DNAJC5: variants seen among roughly 807,000 people sequenced by gnomAD.
DNAJC5 encodes dnaJ homolog subfamily C member 5.
DNAJC5 carries 1 observed loss-of-function variant against 23.2 expected under a neutral mutation model. That is an observed-to-expected ratio of 0.04 (90% CI 0.02 to 0.20). DNAJC5 has a LOEUF of 0.20. DNAJC5 is among the 10% of genes least tolerant of loss of function. The pLI is 1.00. For synonymous variants in DNAJC5, 136 were observed against 120.0 expected (o/e 1.13, Z -0.87); for missense variants, 180 against 267.0 (o/e 0.67, Z 2.27).
At chr20:63,916,199 C>T (rs973732834) in intron 1 of DNAJC5, among the ~76,000 whole-genome samples, 3 of 152,350 alleles carry the variant, frequency 2.0e-5, no homozygotes, top group East Asian at 1.9e-4. Flanking sequence ...CTGCATTCCT[C>T]AGCCTCCAAA....
intron 1 of DNAJC5, among the ~76,000 whole-genome samples, chr20:63,921,217 C>T (rs1360520028): frequency 6.6e-6 from 1 of 152,186 alleles, no homozygotes; most frequent in Non-Finnish European, 1.5e-5. Flanking sequence ...CCTCAGCCTC[C>T]CAAAGTTTTG....
intron 1 of DNAJC5, among the ~76,000 whole-genome samples, chr20:63,898,226 A>G (rs947532065): frequency 1.3e-5 from 2 of 152,148 alleles, no homozygotes; most frequent in Non-Finnish European, 2.9e-5. Flanking sequence ...GCCTGGGGTT[A>G]GCAGTTGGTG....
At chr20:63,901,094 A>C (rs1461950996) in intron 1 of DNAJC5, among the ~76,000 whole-genome samples, 1 of 152,172 alleles carries the variant, frequency 6.6e-6, no homozygotes, top group Non-Finnish European at 1.5e-5. Flanking sequence ...CCTCTTGAGT[A>C]ACTGGAATTA....
chr20:63,910,103 G>A (rs1290821856), intron 1 of DNAJC5, among the ~76,000 whole-genome samples: 4 of 152,190 alleles, frequency 2.6e-5, no homozygotes, highest in Admixed American at 1.3e-4. Context: ...CTTCAGACTC[G>A]TTCTGTTCCT....
At chr20:63,927,521 CAA>C (rs1399324525) in intron 1 of DNAJC5, among the ~76,000 whole-genome samples, 1 of 150,918 alleles carries the variant, frequency 6.6e-6, no homozygotes, top group Non-Finnish European at 1.5e-5. Flanking sequence ...GCCTGGGCAA[CAA>C]GAGCAAAACT....
In DNAJC5 at chr20:63,931,072, T is replaced by G. The variant is rs1187932284; in HGVS notation, c.493+50T>G. The G allele has an allele frequency of 3.1e-6, 5 of 1,588,188 alleles. No individual in the cohort carries two copies. The highest frequency in any genetic ancestry group is 3.4e-6 in the Non-Finnish European group (4 of 1,160,352). ...GTGTGTGTGTGGGGCAGAGCCAGAATGGGCCCTGAATGGTGTCAACCTGTC... is the reference window on the plus strand; with the variant it reads ...GTGTGTGTGTGGGGCAGAGCCAGAAGGGGCCCTGAATGGTGTCAACCTGTC... On this transcript the variant is annotated intron_variant, in intron 4 of 4. Transcript: ENST00000360864. This position sits in a 1 kb window ranked among gnomAD's most constrained non-coding sequence, Gnocchi z 9.6.
chr20:63,895,192 TCTGCCGCCGCCG>T lies in DNAJC5; in HGVS notation c.-141_-130del. The T allele has an allele frequency of 6.6e-6, 1 of 152,076 alleles. No homozygotes were observed. The highest frequency in any genetic ancestry group is 1.4e-5 in the Non-Finnish European group (1 of 69,334). 9.4% of individuals were successfully genotyped at this position (152,076 alleles called of 1,614,324 possible). ...CGCTGCCGGTGCCGCACCCGCGCCCTCTGCCGCCGCCGCCGCCGCCGCCCGGGGTCTCCAGGC... is the reference window on the plus strand; with the variant it reads ...CGCTGCCGGTGCCGCACCCGCGCCCTCCGCCGCCGCCCGGGGTCTCCAGGC... On this transcript the variant is annotated 5_prime_UTR_variant, in exon 1 of 5. Coordinates refer to ENST00000360864, the MANE Select transcript of DNAJC5 (RefSeq NM_025219.3).
At chr20:63,896,399 T>C (rs893611867) in intron 1 of DNAJC5, among the ~76,000 whole-genome samples, 6 of 152,142 alleles carry the variant, frequency 3.9e-5, no homozygotes, top group African/African-American at 1.4e-4. Flanking sequence ...TCGGGGTGGC[T>C]CCAGCTGGCG....
chr20:63,931,640 T>C lies in DNAJC5; in HGVS notation c.*72T>C. The C allele has an allele frequency of 7.0e-7, 1 of 1,437,738 alleles. No individual in the cohort carries two copies. The allele number at this position is 1,437,738 out of a possible 1,614,324, so 89.1% of individuals were successfully genotyped here. Reference sequence around the variant, plus strand: ...CCAACCTTAGAATCATGAACTGTAGTCACAGAGATGGGAAGGCAGCCTCCT... The same window carrying C: ...CCAACCTTAGAATCATGAACTGTAGCCACAGAGATGGGAAGGCAGCCTCCT... On this transcript the variant is annotated 3_prime_UTR_variant, in exon 5 of 5. Transcript: ENST00000360864. This position sits in a 1 kb window ranked among gnomAD's most constrained non-coding sequence, Gnocchi z 9.6.
chr20:63,900,074 A>C (rs1370207166), intron 1 of DNAJC5, among the ~76,000 whole-genome samples: 1 of 150,968 alleles, frequency 6.6e-6, no homozygotes, highest in Non-Finnish European at 1.5e-5. Flanking sequence ...TTTTTAGTAG[A>C]GATGGGGTTT....
intron 1 of DNAJC5, among the ~76,000 whole-genome samples, chr20:63,925,465 CAG>C (rs1213648099): frequency 6.7e-6 from 1 of 148,922 alleles, no homozygotes; most frequent in African/African-American, 2.5e-5. Flanking sequence ...CCTGGGCAAA[CAG>C]AGCGAGACTC....
chr20:63,927,704 T>G (rs915876665), intron 1 of DNAJC5, among the ~76,000 whole-genome samples: 1 of 152,260 alleles, frequency 6.6e-6, no homozygotes, highest in Non-Finnish European at 1.5e-5. Context: ...AAGTTGGGTC[T>G]TGCATTTTTA....
At chr20:63,905,172 A>G (rs1351481180) in intron 1 of DNAJC5, among the ~76,000 whole-genome samples, 6 of 146,010 alleles carry the variant, frequency 4.1e-5, no homozygotes, top group Admixed American at 1.4e-4. Flanking sequence ...CTGGAGTGCC[A>G]TGGCACGATC....
chr20:63,906,757 G>C (rs916686292), intron 1 of DNAJC5, among the ~76,000 whole-genome samples: 1 of 151,924 alleles, frequency 6.6e-6, no homozygotes, highest in Non-Finnish European at 1.5e-5. Context: ...CTGCACTCCA[G>C]CCTGGGTGAG....
chr20:63,931,787 C>G lies in DNAJC5; in HGVS notation c.*219C>G, dbSNP rs1315723031. 3.3e-6 allele frequency: 2 copies of G among 605,526 alleles called. No individual in the cohort carries two copies. The highest frequency in any genetic ancestry group is 5.9e-6 in the Non-Finnish European group (2 of 337,358). The allele number at this position is 605,526 out of a possible 1,614,324, so 37.5% of individuals were successfully genotyped here. A position where few individuals can be genotyped will look rare whatever the true frequency, so the allele number is the denominator to read the frequency against. ...TGTAGCTACGGTCTTCTGTTTTTTT[C>G]CCTTTTTTAATAGCATGTATGGGGT... is the stretch of plus-strand genomic sequence containing the variant. On this transcript the variant is annotated 3_prime_UTR_variant, in exon 5 of 5. Coordinates refer to ENST00000360864, the MANE Select transcript of DNAJC5 (RefSeq NM_025219.3). The surrounding 1 kb of genome is among the most constrained non-coding windows in gnomAD (Gnocchi z 9.6).
chr20:63,914,336 A>G (rs1477524539), intron 1 of DNAJC5, among the ~76,000 whole-genome samples: 3 of 152,180 alleles, frequency 2.0e-5, no homozygotes, highest in Admixed American at 2.0e-4. Context: ...CTTTTTTGAG[A>G]CGGAGTCTTG....
chr20:63,908,758 C>G (rs986809728), intron 1 of DNAJC5, among the ~76,000 whole-genome samples: 3 of 152,156 alleles, frequency 2.0e-5, no homozygotes, highest in Admixed American at 6.6e-5. Flanking sequence ...TGTGGTCCCA[C>G]CATTGCACCC....
intron 1 of DNAJC5, among the ~76,000 whole-genome samples, chr20:63,927,471 C>T (rs751956545): frequency 3.9e-5 from 6 of 152,012 alleles, no homozygotes; most frequent in African/African-American, 9.7e-5. Context: ...ACCGGGGAGG[C>T]GGAGGTTGTG....
In DNAJC5 at chr20:63,929,391, G is replaced by A. The variant is rs796052411; in HGVS notation, c.187G>A (p.Ala63Thr). Residue 63 changes from alanine (A) to threonine (T), a missense_variant, in exon 3 of 5, where the codon GCG (alanine) becomes ACG (threonine). By Grantham distance (58) the Ala-to-Thr change is moderately conservative (BLOSUM62 0). Coordinates refer to ENST00000360864, the MANE Select transcript of DNAJC5 (RefSeq NM_025219.3). This position sits in a 1 kb window ranked among gnomAD's most constrained non-coding sequence, Gnocchi z 8.6. ...GGACAAGTTTAAGGAGATCAACAAC[G>A]CGCACGCCATCCTCACGGACGCCAC... ...AADKFKEINN[A>T]HAILTDATKR... 3.7e-6 allele frequency: 6 copies of A among 1,614,028 alleles called. No homozygotes were observed. Among genetic ancestry groups the A allele is most frequent in the East Asian group, 2.2e-5 (1 of 44,886 alleles).
Sources: allele counts gnomAD v4.1 joint callset (sites outside exome capture counted in the v4.1 genomes callset), GRCh38; gene constraint gnomAD v4.1.1; non-coding constraint Gnocchi (gnomAD v3.1); transcripts MANE v1.5; gene names NCBI Gene and HGNC (gene_info 2026-07-23, HGNC 2026-07-21).